ELF2: variants seen among roughly 807,000 people sequenced by gnomAD.
ELF2 encodes E74 like ETS transcription factor 2, also known as ETS-related transcription factor Elf-2.
In ELF2, 11 loss-of-function variants were observed where a neutral mutation model predicts 54.8. The ratio of observed to expected loss-of-function variants is 0.20; its 90% CI spans 0.13 to 0.33. The LOEUF (loss-of-function observed/expected upper bound fraction) is 0.33, where lower values mean the gene tolerates loss of function less well. ELF2 is among the 10% of genes least tolerant of loss of function. ELF2 has a pLI of 1.00. For synonymous variants in ELF2, 203 were observed against 245.1 expected, an observed-to-expected ratio of 0.83 and a Z score of 1.61; for missense variants, 513 against 703.0, an observed-to-expected ratio of 0.73 and a Z score of 3.06.
chr4:139,107,851 A>T (rs914367367), intron 4 of ELF2, among the ~76,000 whole-genome samples: 1 of 152,214 alleles, frequency 6.6e-6, no homozygotes. Context: ...TACCGGAAAG[A>T]TCAAGAAATC....
chr4:139,176,736 T>C (rs1293521068), intron 1 of ELF2, among the ~76,000 whole-genome samples: 2 of 149,604 alleles, frequency 1.3e-5, no homozygotes, highest in African/African-American at 4.9e-5. Flanking sequence ...CCTTCCCCTT[T>C]CTCCAAGTCC....
chr4:139,105,303 T>C (rs1156758431), intron 4 of ELF2, among the ~76,000 whole-genome samples: 1 of 152,066 alleles, frequency 6.6e-6, no homozygotes, highest in Admixed American at 6.5e-5. Context: ...AGATTCTAAG[T>C]ACCATAAATG....
rs940139911 is a variant in ELF2 at position 139,071,145 on chromosome 4, C to T, written c.526+721G>A. Among the ~76,000 whole-genome samples the T allele has an allele frequency of 2.0e-5, 3 of 152,092 alleles. No individual in the cohort carries two copies. In the East Asian group the frequency reaches 5.8e-4, roughly 29 times the overall value. ...AATAGTAAGTGGAAATGCTCTTTAC[C>T]CACTGGTGAGTTTAGGTCAATCAGA... On this transcript the variant is annotated intron_variant, in intron 6 of 9. Transcript: ENST00000686138.
At position 139,058,843 on chromosome 4, in the gene ELF2, T is replaced by C. The variant is rs1578644743; in HGVS notation, c.*140A>G. Reference sequence around the variant, plus strand: ...ACTGAAACATGGGATAGGTAATTTATTTCCAGTAAGTCTGATTGTTTTTGT... The same window carrying C: ...ACTGAAACATGGGATAGGTAATTTACTTCCAGTAAGTCTGATTGTTTTTGT... On this transcript the variant is annotated 3_prime_UTR_variant, in exon 10 of 10. Transcript: ENST00000686138. 6.5e-6 allele frequency: 8 copies of C among 1,225,632 alleles called. No homozygotes were observed. In the East Asian group the frequency reaches 1.8e-4, roughly 27 times the overall value. The allele number at this position is 1,225,632 out of a possible 1,614,324, so 75.9% of individuals were successfully genotyped here.
chr4:139,105,389 T>C (rs1734319257), intron 4 of ELF2, among the ~76,000 whole-genome samples: 1 of 152,228 alleles, frequency 6.6e-6, no homozygotes, highest in Non-Finnish European at 1.5e-5. Context: ...AGGTGCTCAA[T>C]GAATGCTTAA....
chr4:139,149,893 G>C (rs981782612), intron 1 of ELF2, among the ~76,000 whole-genome samples: 1 of 152,114 alleles, frequency 6.6e-6, no homozygotes, highest in African/African-American at 2.4e-5. Flanking sequence ...TCTTGACAAA[G>C]ATAGTAAACA....
intron 3 of ELF2, among the ~76,000 whole-genome samples, chr4:139,131,225 T>G (rs956409389): frequency 6.6e-6 from 1 of 152,192 alleles, no homozygotes; most frequent in Non-Finnish European, 1.5e-5. Context: ...ATTTGGGACA[T>G]ACTTAAAGTA....
intron 1 of ELF2, among the ~76,000 whole-genome samples, chr4:139,152,497 A>G (rs1294082356): frequency 1.3e-5 from 2 of 151,962 alleles, no homozygotes; most frequent in Admixed American, 1.3e-4. Context: ...ATGCCCAGCT[A>G]ATTTTTTTTA....
At chr4:139,071,252 T>G (rs1261391148) in intron 6 of ELF2, among the ~76,000 whole-genome samples, 3 of 151,964 alleles carry the variant, frequency 2.0e-5, no homozygotes, top group African/African-American at 7.2e-5. Context: ...GTGAATATTG[T>G]ATATAGTATG....
chr4:139,138,020 T>C (rs113909611), intron 2 of ELF2, among the ~76,000 whole-genome samples, 153 bp from the exon 3 acceptor site: 3,649 of 152,312 alleles, frequency 0.024, 148 homozygotes, highest in African/African-American at 0.083. Flanking sequence ...GTAATGAACA[T>C]TCTGCTTCTT....
intron 4 of ELF2, among the ~76,000 whole-genome samples, chr4:139,114,232 G>A (rs982621203): frequency 1.3e-5 from 2 of 151,996 alleles, no homozygotes; most frequent in Non-Finnish European, 2.9e-5. Flanking sequence ...AAACAATATG[G>A]TTATATGATT....
Position 139,101,342 on chromosome 4 carries a change from C to A in ELF2, c.238+23822G>T, listed in dbSNP as rs551350882. On this transcript the variant is annotated intron_variant, in intron 4 of 9. Transcript: ENST00000686138. The stretch of plus-strand genomic sequence containing the variant: ...TCACAGGTCATCTCAGGTAACCCCA[C>A]TAATGGTCTCAGATCCAGGACAACT... 4.6e-5 allele frequency among the ~76,000 whole-genome samples: 7 copies of A among 152,330 alleles called. No homozygotes were observed. The East Asian group carries it at 1.2e-3, about 25-fold the overall frequency.
At chr4:139,174,599 C>CA (rs58185505) in intron 1 of ELF2, among the ~76,000 whole-genome samples, 45,362 of 150,978 alleles carry the variant, frequency 0.3, 6,999 homozygotes, top group African/African-American at 0.37. Context: ...AGAAACTACT[C>CA]AAAAAAAAAT....
At chr4:139,157,405 A>G (rs1157681748) in intron 1 of ELF2, among the ~76,000 whole-genome samples, 1 of 151,866 alleles carries the variant, frequency 6.6e-6, no homozygotes, top group African/African-American at 2.4e-5. Flanking sequence ...AATTCTGTAT[A>G]ATTTTTTTTT....
At chr4:139,080,648 T>C (rs1204297581) in intron 4 of ELF2, among the ~76,000 whole-genome samples, 2 of 151,988 alleles carry the variant, frequency 1.3e-5, no homozygotes, top group African/African-American at 4.8e-5. Context: ...TCAAGAAAGG[T>C]ATACTTGAGA....
intron 1 of ELF2, among the ~76,000 whole-genome samples, chr4:139,167,014 T>C (rs569632685): frequency 2.4e-4 from 37 of 152,368 alleles, no homozygotes; most frequent in African/African-American, 8.7e-4. Context: ...TACAGTAATT[T>C]GGTAAGATAA....
chr4:139,106,251 A>C (rs1292490073), intron 4 of ELF2, among the ~76,000 whole-genome samples: 1 of 152,208 alleles, frequency 6.6e-6, no homozygotes, highest in Admixed American at 6.5e-5. Flanking sequence ...TTTTCCTTTA[A>C]AAAAAGAATA....
intron 4 of ELF2, among the ~76,000 whole-genome samples, chr4:139,096,467 A>G (rs554506631): frequency 6.6e-6 from 1 of 151,998 alleles, no homozygotes; most frequent in East Asian, 1.9e-4. Context: ...TCACTTATAA[A>G]TTAGTTTTGT....
chr4:139,066,427 G>A (rs571388813), intron 7 of ELF2: 1 of 151,650 alleles, frequency 6.6e-6, no homozygotes, highest in South Asian at 2.1e-4. Context: ...GGGCAAAACA[G>A]GGGCACTCTG....
Sources: gnomAD v4.1 joint callset for allele counts (sites outside exome capture counted in the v4.1 genomes callset) on GRCh38, gnomAD v4.1.1 for gene constraint, MANE v1.5 for transcripts, NCBI Gene and HGNC (gene_info 2026-07-23, HGNC 2026-07-21) for gene names.